The following ZHX2 variants were observed in gnomAD, a reference collection of about 807,000 sequenced individuals.
ZHX2 encodes zinc fingers and homeoboxes 2, also known as zinc fingers and homeoboxes protein 2.
A neutral mutation model predicts 21.9 loss-of-function variants in ZHX2; 6 were observed. That is an observed-to-expected ratio of 0.27 (90% CI 0.15 to 0.54). ZHX2 has a LOEUF of 0.54. ZHX2 is among the 20% of genes least tolerant of loss of function. The pLI, the probability that ZHX2 is intolerant of heterozygous loss-of-function variation, is 0.95. For synonymous variants in ZHX2, 434 were observed against 437.1 expected (o/e 0.99, Z 0.09); for missense variants, 908 against 1,090.7 (o/e 0.83, Z 2.36).
chr8:122,888,652 T>A (rs1819904426), intron 2 of ZHX2, among the ~76,000 whole-genome samples: 1 of 152,140 alleles, frequency 6.6e-6, no homozygotes, highest in South Asian at 2.1e-4. Flanking sequence ...CTGGCTAATT[T>A]TTGTATTCTT....
intron 1 of ZHX2, among the ~76,000 whole-genome samples, chr8:122,850,902 C>A (rs991831933): frequency 5.3e-5 from 8 of 152,190 alleles, no homozygotes; most frequent in Non-Finnish European, 1.0e-4. Context: ...GCCCCACATC[C>A]TCACCTGCCC....
intron 1 of ZHX2, among the ~76,000 whole-genome samples, chr8:122,831,013 A>G (rs1480674120): frequency 6.6e-6 from 1 of 152,140 alleles, no homozygotes; most frequent in Non-Finnish European, 1.5e-5. Context: ...TTAAGGATGT[A>G]GAGTCGCCTT....
intron 2 of ZHX2, among the ~76,000 whole-genome samples, chr8:122,873,228 C>T (rs1327234074): frequency 2.6e-5 from 4 of 152,226 alleles, no homozygotes; most frequent in Non-Finnish European, 5.9e-5. Flanking sequence ...TCAGAGCAGA[C>T]TCAGTGGGGA....
chr8:122,834,215 G>GA, intron 1 of ZHX2, among the ~76,000 whole-genome samples: 1 of 152,318 alleles, frequency 6.6e-6, no homozygotes, highest in African/African-American at 2.4e-5. Flanking sequence ...CCTTGGCTTG[G>GA]ATGAAGTGAT....
intron 2 of ZHX2, among the ~76,000 whole-genome samples, chr8:122,939,720 C>G (rs185821778): frequency 6.6e-6 from 1 of 152,260 alleles, no homozygotes; most frequent in African/African-American, 2.4e-5. Flanking sequence ...GGAACAGTTA[C>G]ACAGGAAATT....
intron 2 of ZHX2, among the ~76,000 whole-genome samples, chr8:122,935,167 T>C (rs1015115166): frequency 1.3e-5 from 2 of 151,978 alleles, no homozygotes; most frequent in Non-Finnish European, 2.9e-5. Context: ...CTTTTTTTTT[T>C]ATCTATTTGA....
intron 2 of ZHX2, among the ~76,000 whole-genome samples, chr8:122,888,578 T>C (rs1053293209): frequency 6.6e-6 from 1 of 152,008 alleles, no homozygotes; most frequent in African/African-American, 2.4e-5. Flanking sequence ...GCCTCCCGGG[T>C]TCAAAACGAT....
chr8:122,872,643 ATAACTCG>A, intron 2 of ZHX2, among the ~76,000 whole-genome samples: 1 of 152,214 alleles, frequency 6.6e-6, no homozygotes. Context: ...GAAAACACCT[ATAACTCG>A]TAGATACCAA....
intron 1 of ZHX2, among the ~76,000 whole-genome samples, chr8:122,802,901 T>G (rs1817746928): frequency 6.6e-6 from 1 of 152,138 alleles, no homozygotes; most frequent in South Asian, 2.1e-4. Context: ...CAGAGGAGGC[T>G]GACAGGCTGT....
Position 122,948,570 on chromosome 8 carries a change from A to T in ZHX2, c.-219-2722A>T, listed in dbSNP as rs189275840. On this transcript the variant is annotated intron_variant, in intron 2 of 3. Transcript: ENST00000314393. ...AGTAATGAGGAGAACTCTACTAGATATAAAAATGTACTCTAAACATACAAA... is the reference window on the plus strand; with the variant it reads ...AGTAATGAGGAGAACTCTACTAGATTTAAAAATGTACTCTAAACATACAAA... Among the ~76,000 whole-genome samples the T allele has an allele frequency of 2.7e-4, 41 of 152,356 alleles. 1 individual carries two copies. In the East Asian group the frequency reaches 7.5e-3, roughly 28 times the overall value.
chr8:122,964,058 T>C lies in ZHX2; in HGVS notation c.*5-9184T>C, dbSNP rs1035631021. ...TCTAGGAGCTTTTTGGATGAGTCTT[T>C]AGGGTTTTCTAGGTATATAATCAAC... On this transcript the variant is annotated intron_variant, in intron 3 of 3. Transcript: ENST00000314393. Among the ~76,000 whole-genome samples, 3 of 152,152 alleles carry C rather than the reference T, an allele frequency of 2.0e-5. No homozygotes were observed. In the East Asian group the frequency reaches 5.8e-4, roughly 29 times the overall value.
intron 1 of ZHX2, among the ~76,000 whole-genome samples, chr8:122,798,166 C>T (rs1817649087): frequency 6.6e-6 from 1 of 152,170 alleles, no homozygotes; most frequent in South Asian, 2.1e-4. Context: ...AAAATGCCAG[C>T]TCTTGAAAGC....
At chr8:122,905,267 A>G (rs1253810360) in intron 2 of ZHX2, among the ~76,000 whole-genome samples, 1 of 152,264 alleles carries the variant, frequency 6.6e-6, no homozygotes, top group Non-Finnish European at 1.5e-5. Context: ...TTGAAAACCA[A>G]AGACAGCCTT....
intron 2 of ZHX2, among the ~76,000 whole-genome samples, chr8:122,925,528 G>A (rs1341034326): frequency 6.6e-6 from 1 of 152,204 alleles, no homozygotes; most frequent in Non-Finnish European, 1.5e-5. Context: ...TCTTTGAGTA[G>A]AGGAGGGAGT....
At chr8:122,822,117 T>A in intron 1 of ZHX2, among the ~76,000 whole-genome samples, 1 of 152,328 alleles carries the variant, frequency 6.6e-6, no homozygotes, top group African/African-American at 2.4e-5. Flanking sequence ...AAAGCAGCTC[T>A]ACTCTTACTG....
intron 2 of ZHX2, among the ~76,000 whole-genome samples, chr8:122,882,053 C>T (rs768247598): frequency 2.6e-5 from 4 of 152,042 alleles, no homozygotes; most frequent in African/African-American, 7.2e-5. Flanking sequence ...CCCCCCTCCT[C>T]GAAAAAGAGG....
intron 2 of ZHX2, among the ~76,000 whole-genome samples, chr8:122,918,035 G>C (rs1442658371): frequency 6.6e-6 from 1 of 152,092 alleles, no homozygotes; most frequent in African/African-American, 2.4e-5. Flanking sequence ...TGCTACTCTT[G>C]TCTGGGCTCA....
At chr8:122,931,421 G>A (rs972842362) in intron 2 of ZHX2, among the ~76,000 whole-genome samples, 9 of 152,206 alleles carry the variant, frequency 5.9e-5, no homozygotes, top group East Asian at 3.8e-4. Flanking sequence ...AGAGAGAGGA[G>A]AGAGCAGGTA....
intron 1 of ZHX2, among the ~76,000 whole-genome samples, chr8:122,849,017 G>T (rs555878182): frequency 6.6e-6 from 1 of 152,218 alleles, no homozygotes; most frequent in Admixed American, 6.5e-5. Context: ...AACTAAAACC[G>T]CCAGGTTGGA....
Sources: allele counts gnomAD v4.1 joint callset (sites outside exome capture counted in the v4.1 genomes callset), GRCh38; gene constraint gnomAD v4.1.1; transcripts MANE v1.5; gene names NCBI Gene and HGNC (gene_info 2026-07-23, HGNC 2026-07-21).